ROBO1: variants seen among roughly 807,000 people sequenced by gnomAD.
ROBO1 encodes roundabout guidance receptor 1, also known as roundabout homolog 1.
ROBO1 carries 149 observed loss-of-function variants against 195.9 expected under a neutral mutation model. The ratio of observed to expected loss-of-function variants is 0.76; its 90% confidence interval spans 0.67 to 0.87. The LOEUF is 0.87. Ranked by LOEUF, ROBO1 falls within the 40% of genes least tolerant of loss-of-function variation. ROBO1 has a pLI of 0.00. For missense variants in ROBO1, 1,933 were observed against 2,068.3 expected, an observed-to-expected ratio of 0.93 and a Z score of 1.27; for synonymous variants, 816 against 733.2, an observed-to-expected ratio of 1.11 and a Z score of -1.82.
chr3:79,197,693 A>G lies in ROBO1; in HGVS notation c.89-72154T>C, dbSNP rs533196982. On this transcript the variant is annotated intron_variant, in intron 2 of 30. Transcript: ENST00000464233. Reference sequence around the variant, plus strand: ...GTTCCTATTTCTCCACATCCTCTCCAGCATCTGTTGTTTCCTGACTTTTTA... The same window carrying G: ...GTTCCTATTTCTCCACATCCTCTCCGGCATCTGTTGTTTCCTGACTTTTTA... 2.6e-4 allele frequency among the ~76,000 whole-genome samples: 40 copies of G among 152,184 alleles called. 1 individual carries two copies. Among genetic ancestry groups the G allele is most frequent in the African/African-American group, 9.1e-4 (38 of 41,544 alleles).
rs545376521 is a variant in ROBO1, at chr3:78,624,341, G to C, written c.3875+2980C>G. On this transcript the variant is annotated intron_variant, in intron 26 of 30. Coordinates refer to ENST00000464233, the MANE Select transcript of ROBO1 (RefSeq NM_002941.4). ...TAGAATATACATTAATCATAAAAAA[G>C]CAGTTAAAGCACTTTTTAAAAATGG... Among the ~76,000 whole-genome samples, 18 of 152,078 alleles carry C rather than the reference G, an allele frequency of 1.2e-4. No individual in the cohort carries two copies. The South Asian group carries it at 3.3e-3, about 28-fold the overall frequency.
chr3:79,151,351 C>A (rs774378293), intron 2 of ROBO1, among the ~76,000 whole-genome samples: 2 of 151,844 alleles, frequency 1.3e-5, no homozygotes, highest in Non-Finnish European at 2.9e-5. Context: ...ATCCTTGATT[C>A]TTTGTCCCAA....
chr3:78,643,554 G>A (rs1050153935), intron 21 of ROBO1, among the ~76,000 whole-genome samples: 1 of 152,112 alleles, frequency 6.6e-6, no homozygotes, highest in Admixed American at 6.6e-5. Context: ...CTTGGCAAAT[G>A]GCAGGTGGGG....
At chr3:78,962,868 C>G (rs2041450129) in intron 3 of ROBO1, among the ~76,000 whole-genome samples, 1 of 143,364 alleles carries the variant, frequency 7.0e-6, no homozygotes, top group Admixed American at 7.0e-5. Context: ...ATTTACTGTT[C>G]TCCTGATGCT....
chr3:78,888,698 T>TA (rs1576350259), intron 4 of ROBO1, among the ~76,000 whole-genome samples: 1 of 152,254 alleles, frequency 6.6e-6, no homozygotes, highest in East Asian at 1.9e-4. Context: ...TTCAAAGAGA[T>TA]ATATAAGCTT....
chr3:79,393,659 G>A (rs1424011768), intron 2 of ROBO1, among the ~76,000 whole-genome samples: 1 of 152,122 alleles, frequency 6.6e-6, no homozygotes, highest in African/African-American at 2.4e-5. Flanking sequence ...TTCACAAGTG[G>A]CAGAAACTGG....
chr3:78,888,633 A>G (rs576062363), intron 4 of ROBO1, among the ~76,000 whole-genome samples: 58 of 152,288 alleles, frequency 3.8e-4, no homozygotes, highest in African/African-American at 1.4e-3. Context: ...CTCTACCTTA[A>G]AACAGTAGTT....
intron 2 of ROBO1, among the ~76,000 whole-genome samples, chr3:79,543,187 G>T (rs1415663832): frequency 2.0e-5 from 3 of 151,948 alleles, no homozygotes; most frequent in Non-Finnish European, 4.4e-5. Context: ...GAACACGCTT[G>T]GAATCACTTT....
At chr3:79,320,982 G>A (rs2033954737) in intron 2 of ROBO1, among the ~76,000 whole-genome samples, 1 of 152,136 alleles carries the variant, frequency 6.6e-6, no homozygotes, top group African/African-American at 2.4e-5. Flanking sequence ...AAAGGTAGTT[G>A]AAGGAGTTGA....
intron 3 of ROBO1, among the ~76,000 whole-genome samples, chr3:79,060,596 T>A (rs948381004): frequency 1.1e-4 from 16 of 151,640 alleles, no homozygotes; most frequent in African/African-American, 3.6e-4. Context: ...GTTCCCCCCA[T>A]AATAAAATAT....
At chr3:79,266,505 A>G (rs1230909984) in intron 2 of ROBO1, among the ~76,000 whole-genome samples, 1 of 151,556 alleles carries the variant, frequency 6.6e-6, no homozygotes, top group Non-Finnish European at 1.5e-5. Context: ...GGTGGTTGCT[A>G]TAGCTGCTTC....
At chr3:79,246,175 G>C (rs373489354) in intron 2 of ROBO1, among the ~76,000 whole-genome samples, 4 of 152,190 alleles carry the variant, frequency 2.6e-5, no homozygotes, top group South Asian at 4.2e-4. Flanking sequence ...ACAGACTTTA[G>C]ATATAATAAC....
At chr3:78,837,801 G>T (rs188463648) in intron 4 of ROBO1, among the ~76,000 whole-genome samples, 3 of 151,874 alleles carry the variant, frequency 2.0e-5, no homozygotes, top group Non-Finnish European at 4.4e-5. Context: ...AAAAAAATAC[G>T]CAGGGCCAAT....
chr3:79,175,917 T>G (rs1215892822), intron 2 of ROBO1, among the ~76,000 whole-genome samples: 1 of 152,200 alleles, frequency 6.6e-6, no homozygotes, highest in African/African-American at 2.4e-5. Context: ...AAAATTACAA[T>G]TTTCCAAAAT....
chr3:79,653,034 C>A (rs201335173), intron 1 of ROBO1, among the ~76,000 whole-genome samples: 1 of 151,436 alleles, frequency 6.6e-6, no homozygotes, highest in South Asian at 2.1e-4. Flanking sequence ...TTCACTTAAC[C>A]AAAAAAGCCA....
At chr3:78,908,465 G>A (rs556735783) in intron 4 of ROBO1, among the ~76,000 whole-genome samples, 20 of 151,940 alleles carry the variant, frequency 1.3e-4, no homozygotes, top group African/African-American at 3.6e-4. Context: ...CATATGTACT[G>A]GAGATTACCA....
At chr3:79,635,913 T>C (rs1459038447) in intron 1 of ROBO1, among the ~76,000 whole-genome samples, 1 of 152,186 alleles carries the variant, frequency 6.6e-6, no homozygotes, top group African/African-American at 2.4e-5. Flanking sequence ...CATATATCCT[T>C]CTTTATTAGG....
At chr3:79,670,544 G>T (rs1946603323) in intron 1 of ROBO1, among the ~76,000 whole-genome samples, 1 of 151,736 alleles carries the variant, frequency 6.6e-6, no homozygotes, top group Non-Finnish European at 1.5e-5. Context: ...TGACTTTATA[G>T]ACTACACCAT....
chr3:78,835,196 T>G (rs183457497), intron 4 of ROBO1, among the ~76,000 whole-genome samples: 14 of 152,262 alleles, frequency 9.2e-5, no homozygotes, highest in Admixed American at 2.6e-4. Flanking sequence ...ACTAAAATAT[T>G]TTTTCTTCTG....
Sources: allele counts gnomAD v4.1 joint callset (sites outside exome capture counted in the v4.1 genomes callset), GRCh38; gene constraint gnomAD v4.1.1; transcripts MANE v1.5; gene names NCBI Gene and HGNC (gene_info 2026-07-23, HGNC 2026-07-21).